Variants in SLC35F1 observed in about 807,000 individuals in gnomAD.
SLC35F1 encodes chromosome 6 open reading frame 169.
A neutral mutation model predicts 48.7 loss-of-function variants in SLC35F1; 14 were observed. That is an observed-to-expected ratio of 0.29 (90% confidence interval 0.19 to 0.45). SLC35F1 has a LOEUF of 0.45. Among genes scored for constraint, SLC35F1 ranks in the 20% least tolerant of loss-of-function variants. The probability of loss-of-function intolerance (pLI) is 1.00; values close to 1 mark genes in which losing one functional copy is unlikely to be tolerated. For missense variants in SLC35F1, 404 were observed against 500.0 expected (o/e 0.81, Z 1.83); for synonymous variants, 190 against 202.2 (o/e 0.94, Z 0.51).
intron 2 of SLC35F1, among the ~76,000 whole-genome samples, chr6:118,179,413 GAAGAGAGA>G (rs1268845282): frequency 6.6e-6 from 1 of 152,160 alleles, no homozygotes; most frequent in Non-Finnish European, 1.5e-5. Flanking sequence ...CCCTGCTCCA[GAAGAGAGA>G]AAGAGTGAAT....
At chr6:118,302,134 T>C (rs530585944) in intron 7 of SLC35F1, among the ~76,000 whole-genome samples, 1 of 152,318 alleles carries the variant, frequency 6.6e-6, no homozygotes, top group South Asian at 2.1e-4. Flanking sequence ...AGGATATCTG[T>C]AGCATACACA....
At chr6:118,019,843 C>T (rs150028770) in intron 1 of SLC35F1, among the ~76,000 whole-genome samples, 1,885 of 152,210 alleles carry the variant, frequency 0.012, 18 homozygotes, top group Middle Eastern at 0.024. Context: ...CTTATATATA[C>T]CTTTCTAGTA....
intron 1 of SLC35F1, among the ~76,000 whole-genome samples, chr6:118,060,248 G>A (rs1772518948): frequency 6.6e-6 from 1 of 152,028 alleles, no homozygotes. Context: ...GTAGGCACTT[G>A]ATTAATGATA....
rs951139900 is a variant in SLC35F1 at position 118,100,941 on chromosome 6, C to T, written c.174-53504C>T. On this transcript the variant is annotated intron_variant, in intron 1 of 7. Transcript: ENST00000360388. ...CCCCACCATGAATAACAAGGCACTC[C>T]AGTCACTTGGGAAATTCCAAGGGTT... 5.3e-5 allele frequency among the ~76,000 whole-genome samples: 8 copies of T among 152,272 alleles called. No individual in the cohort carries two copies. In the South Asian group the frequency reaches 1.7e-3, roughly 32 times the overall value.
intron 2 of SLC35F1, among the ~76,000 whole-genome samples, chr6:118,228,396 T>C (rs1775246661): frequency 6.6e-6 from 1 of 152,176 alleles, no homozygotes; most frequent in Non-Finnish European, 1.5e-5. Context: ...CATACTTATT[T>C]TCAAATTCAC....
At chr6:118,043,156 C>A (rs575397998) in intron 1 of SLC35F1, among the ~76,000 whole-genome samples, 1 of 152,218 alleles carries the variant, frequency 6.6e-6, no homozygotes, top group Admixed American at 6.5e-5. Context: ...TGCTCCTTAG[C>A]AGTATACACA....
chr6:118,180,742 C>T (rs1304265960), intron 2 of SLC35F1, among the ~76,000 whole-genome samples: 1 of 151,724 alleles, frequency 6.6e-6, no homozygotes, highest in African/African-American at 2.4e-5. Context: ...ACTCAGATTC[C>T]GGAAGGAGAT....
intron 1 of SLC35F1, among the ~76,000 whole-genome samples, chr6:118,065,219 T>C (rs1338212618): frequency 6.6e-6 from 1 of 152,306 alleles, no homozygotes; most frequent in African/African-American, 2.4e-5. Flanking sequence ...CTGTTGGATA[T>C]TTTAATGCAG....
chr6:118,026,457 G>GA (rs1771945685), intron 1 of SLC35F1, among the ~76,000 whole-genome samples: 1 of 152,068 alleles, frequency 6.6e-6, no homozygotes, highest in Non-Finnish European at 1.5e-5. Context: ...TTTTTAAATG[G>GA]AAAAAAGACT....
At chr6:118,222,047 C>G (rs1019081075) in intron 2 of SLC35F1, among the ~76,000 whole-genome samples, 48 of 152,086 alleles carry the variant, frequency 3.2e-4, no homozygotes, top group African/African-American at 1.2e-3. Context: ...GTTCTTTTAA[C>G]CTATGCATTT....
Position 117,981,104 on chromosome 6 carries a change from T to C in SLC35F1, c.173+73205T>C, listed in dbSNP as rs181560442. On this transcript the variant is annotated intron_variant, in intron 1 of 7. Transcript: ENST00000360388. ...GGCAAAAGGAGATTCCCTGTTTCCA[T>C]GTAAAAAGGGTATTTTGGGTTGCCA... Among the ~76,000 whole-genome samples, 16 of 152,284 alleles carry C rather than the reference T, an allele frequency of 1.1e-4. No individual in the cohort carries two copies. In the East Asian group the frequency reaches 2.7e-3, roughly 26 times the overall value.
intron 1 of SLC35F1, among the ~76,000 whole-genome samples, chr6:118,075,141 A>G (rs897816613): frequency 9.2e-5 from 14 of 152,212 alleles, no homozygotes; most frequent in African/African-American, 3.4e-4. Context: ...GATCTTCAGA[A>G]GAATTTGGAT....
At chr6:118,011,822 T>C (rs2114876883) in intron 1 of SLC35F1, among the ~76,000 whole-genome samples, 1 of 152,230 alleles carries the variant, frequency 6.6e-6, no homozygotes, top group South Asian at 2.1e-4. Flanking sequence ...CACAGAATTA[T>C]CCAGCTCAAA....
At chr6:118,268,225 G>A (rs1416308410) in intron 4 of SLC35F1, among the ~76,000 whole-genome samples, 1 of 152,140 alleles carries the variant, frequency 6.6e-6, no homozygotes, top group East Asian at 1.9e-4. Flanking sequence ...TGACAAAGCA[G>A]AGACTGGAAC....
At chr6:118,192,218 T>C (rs1774741663) in intron 2 of SLC35F1, among the ~76,000 whole-genome samples, 1 of 152,208 alleles carries the variant, frequency 6.6e-6, no homozygotes, top group African/African-American at 2.4e-5. Flanking sequence ...TATTCGCTGA[T>C]TTAACATGCA....
In SLC35F1 at chr6:117,970,258, T is replaced by C. The variant is rs559781645; in HGVS notation, c.173+62359T>C. Among the ~76,000 whole-genome samples, 7 of 152,326 alleles carry C rather than the reference T, an allele frequency of 4.6e-5. No homozygotes were observed. The South Asian group carries it at 1.2e-3, about 27-fold the overall frequency. ...TGCTTACTCTTTAACTTACTCGATC[T>C]TTAGGAGCTCTCCTGACTATAGTGA... On this transcript the variant is annotated intron_variant, in intron 1 of 7. Transcript: ENST00000360388.
Position 118,267,151 on chromosome 6 carries a change from G to A in SLC35F1, c.634G>A (p.Ala212Thr), listed in dbSNP as rs548931231. ...ADVLVGRHQG[A>T]GENKLVGDLL... Reference sequence around the variant, plus strand: ...TGTGCTTGTGGGAAGACATCAGGGAGCAGGTGAGTCTTCGGATGTTCACCA... The same window carrying A: ...TGTGCTTGTGGGAAGACATCAGGGAACAGGTGAGTCTTCGGATGTTCACCA... The change falls in exon 4 of 8, where the codon GCA (alanine) becomes ACA (threonine). Residue 212 changes from alanine (A) to threonine (T), a missense_variant. Transcript: ENST00000360388. 1.1e-4 allele frequency: 178 copies of A among 1,613,940 alleles called. 1 individual carries two copies. The South Asian group carries it at 1.8e-3, about 16-fold the overall frequency.
chr6:117,929,217 G>A (rs750795026), intron 1 of SLC35F1, among the ~76,000 whole-genome samples: 17 of 151,908 alleles, frequency 1.1e-4, no homozygotes, highest in Non-Finnish European at 2.2e-4. Context: ...GTTTGTCGAG[G>A]AGATGGATTT....
At chr6:118,192,340 C>A (rs1260661399) in intron 2 of SLC35F1, among the ~76,000 whole-genome samples, 3 of 152,030 alleles carry the variant, frequency 2.0e-5, no homozygotes, top group African/African-American at 7.2e-5. Context: ...TTATCCAGTC[C>A]AATCCTTGGG....
Sources: gnomAD v4.1 joint callset for allele counts (sites outside exome capture counted in the v4.1 genomes callset) on GRCh38, gnomAD v4.1.1 for gene constraint, MANE v1.5 for transcripts, NCBI Gene and HGNC (gene_info 2026-07-23, HGNC 2026-07-21) for gene names.